The following ZNF471 variants were observed in gnomAD, a reference collection of about 807,000 sequenced individuals.
ZNF471 encodes the protein zinc finger protein 471.
In ZNF471, 7 loss-of-function variants were observed where a neutral mutation model predicts 13.7. The ratio of observed to expected loss-of-function variants is 0.51; its 90% CI spans 0.29 to 0.96. The LOEUF is 0.96. Ranked by LOEUF, ZNF471 falls within the 40% of genes least tolerant of loss-of-function variation. The pLI is 0.08. For missense variants in ZNF471, 663 were observed against 743.3 expected (o/e 0.89, Z 1.26); for synonymous variants, 218 against 235.6 (o/e 0.93, Z 0.68).
intron 4 of ZNF471, among the ~76,000 whole-genome samples, chr19:56,520,286 A>G (rs1440717835): frequency 2.0e-5 from 3 of 152,240 alleles, no homozygotes; most frequent in Admixed American, 6.5e-5. Flanking sequence ...TATTGTATGC[A>G]TAAGATATCT....
chr19:56,526,030 T>G lies in ZNF471; in HGVS notation c.*82T>G, dbSNP rs1045184142. ...GAGATGTCCCACTGGATAAAAAACA[T>G]ATAAATGTAAGAAATGTAGAAAAAC... On this transcript the variant is annotated 3_prime_UTR_variant, in exon 5 of 5. Coordinates refer to ENST00000308031, the MANE Select transcript of ZNF471 (RefSeq NM_020813.4). 1 of 1,389,254 alleles carries G rather than the reference T, an allele frequency of 7.2e-7. No individual in the cohort carries two copies. Among genetic ancestry groups the G allele is most frequent in the East Asian group, 2.4e-5 (1 of 42,532 alleles). The allele number at this position is 1,389,254 out of a possible 1,614,324, so 86.1% of individuals were successfully genotyped here.
intron 3 of ZNF471, among the ~76,000 whole-genome samples, chr19:56,518,149 A>G (rs1041193519): frequency 2.0e-5 from 3 of 152,152 alleles, no homozygotes; most frequent in Non-Finnish European, 2.9e-5. Flanking sequence ...TCCCCTAAAG[A>G]GTATTGATTT....
chr19:56,522,950 G>A lies in ZNF471; in HGVS notation c.257-1374G>A, dbSNP rs763107465. Among the ~76,000 whole-genome samples the A allele has an allele frequency of 1.3e-5, 2 of 152,052 alleles. No individual in the cohort carries two copies. Among genetic ancestry groups the A allele is most frequent in the Non-Finnish European group, 2.9e-5 (2 of 68,000 alleles). On this transcript the variant is annotated intron_variant, in intron 4 of 4. Coordinates refer to ENST00000308031, the MANE Select transcript of ZNF471 (RefSeq NM_020813.4). This position sits in a 1 kb window ranked among gnomAD's most constrained non-coding sequence, Gnocchi z 4.1. Reference sequence around the variant, plus strand: ...AGGGTTACACCACATTGGCCAGGCTGGTCTCTAACTTCTGACCTCAGGTGA... The same window carrying A: ...AGGGTTACACCACATTGGCCAGGCTAGTCTCTAACTTCTGACCTCAGGTGA...
chr19:56,521,968 C>T (rs951276572), intron 4 of ZNF471, among the ~76,000 whole-genome samples: 1 of 152,066 alleles, frequency 6.6e-6, no homozygotes, highest in South Asian at 2.1e-4. Flanking sequence ...AAAATGTCCT[C>T]ATAGCATATT....
intron 1 of ZNF471, among the ~76,000 whole-genome samples, chr19:56,509,096 G>A (rs1363928831): frequency 2.0e-5 from 3 of 152,146 alleles, no homozygotes; most frequent in Non-Finnish European, 4.4e-5. Context: ...TGGTGGGCTG[G>A]CAGCCTGTAG....
Position 56,524,187 on chromosome 19 carries a change from T to G in ZNF471, c.257-137T>G. On this transcript the variant is annotated intron_variant, in intron 4 of 4. Coordinates refer to ENST00000308031, the MANE Select transcript of ZNF471 (RefSeq NM_020813.4). This position sits in a 1 kb window ranked among gnomAD's most constrained non-coding sequence, Gnocchi z 4.8. ...CTGTCTTTCTTGGGGTCTCCCTGAA[T>G]GTTTTCCAGTTGACATGCCTGTACA... 1.6e-6 allele frequency: 1 copy of G among 612,416 alleles called. No individual in the cohort carries two copies. The allele number at this position is 612,416 out of a possible 1,614,324, so 37.9% of individuals were successfully genotyped here.
rs1037949247 is a variant in ZNF471, at chr19:56,527,413, C to T, written c.*1465C>T. 2 of 152,188 alleles carry T rather than the reference C, an allele frequency of 1.3e-5. No individual in the cohort carries two copies. Among genetic ancestry groups the T allele is most frequent in the African/African-American group, 4.8e-5 (2 of 41,446 alleles). The allele number at this position is 152,188 out of a possible 1,614,324, so 9.4% of individuals were successfully genotyped here. A position where few individuals can be genotyped will look rare whatever the true frequency, so the allele number is the denominator to read the frequency against. On this transcript the variant is annotated 3_prime_UTR_variant, in exon 5 of 5. Coordinates refer to ENST00000308031, the MANE Select transcript of ZNF471 (RefSeq NM_020813.4). ...GAAAATTCCAAAAACCAGAATGCCT[C>T]TTCTCCTCCAAAGGATCACAACTCC...
In ZNF471 at chr19:56,522,215, C is replaced by T. The variant is rs1415064541; in HGVS notation, c.257-2109C>T. ...AGCATTTCTCCATCATTAAGTGACA[C>T]AAGACTATTTTGTTATAGCAACCCA... On this transcript the variant is annotated intron_variant, in intron 4 of 4. Transcript: ENST00000308031. This position sits in a 1 kb window ranked among gnomAD's most constrained non-coding sequence, Gnocchi z 4.1. Among the ~76,000 whole-genome samples the T allele has an allele frequency of 6.6e-6, 1 of 152,144 alleles. No homozygotes were observed. Among genetic ancestry groups the T allele is most frequent in the Non-Finnish European group, 1.5e-5 (1 of 68,028 alleles).
At chr19:56,511,143 C>G (rs1434855622) in intron 1 of ZNF471, among the ~76,000 whole-genome samples, 1 of 149,756 alleles carries the variant, frequency 6.7e-6, no homozygotes, top group Non-Finnish European at 1.5e-5. Flanking sequence ...CAGAAAGGAG[C>G]CAGATTTTCA....
Position 56,516,206 on chromosome 19 carries a change from C to A in ZNF471, c.34-69C>A. Reference sequence around the variant, plus strand: ...TTATTTCTCACCTAAAGTAGAGACACTTTGGATCAACTCAGAGTTATCTTT... The same window carrying A: ...TTATTTCTCACCTAAAGTAGAGACAATTTGGATCAACTCAGAGTTATCTTT... On this transcript the variant is annotated intron_variant, in intron 2 of 4. Transcript: ENST00000308031. The surrounding 1 kb of genome is among the most constrained non-coding windows in gnomAD (Gnocchi z 4.4). 1 of 1,527,586 alleles carries A rather than the reference C, an allele frequency of 6.5e-7. No individual in the cohort carries two copies. Among genetic ancestry groups the A allele is most frequent in the Admixed American group, 1.8e-5 (1 of 56,430 alleles). 94.6% of individuals were successfully genotyped at this position (1,527,586 alleles called of 1,614,324 possible).
chr19:56,518,546 G>A lies in ZNF471; in HGVS notation c.225G>A (p.Met75Ile). Residue 75 changes from methionine to isoleucine, a missense_variant, in exon 4 of 5, where the codon ATG (methionine) becomes ATA (isoleucine). Physicochemically the swap from Met to Ile is conservative, Grantham distance 10. Coordinates refer to ENST00000308031, the MANE Select transcript of ZNF471 (RefSeq NM_020813.4). ...AGCAAGGGAGAGAGCCTTGGGAGAT[G>A]ACGAGTGAGATGACAAGAAGCCCAT... Reference protein sequence around the residue: ...LLEQGREPWEMTSEMTRSPFS... With the variant: ...LLEQGREPWEITSEMTRSPFS... 6.2e-7 allele frequency: 1 copy of A among 1,613,396 alleles called. No individual in the cohort carries two copies. Among genetic ancestry groups the A allele is most frequent in the Non-Finnish European group, 8.5e-7 (1 of 1,179,728 alleles).
At position 56,510,917 on chromosome 19, in the gene ZNF471, G is replaced by A. The variant is rs2043800776; in HGVS notation, c.-55-600G>A. 2.0e-6 allele frequency: 2 copies of A among 985,530 alleles called. No individual in the cohort carries two copies. The highest frequency in any genetic ancestry group is 6.1e-5 in the Admixed American group (1 of 16,272). 61.0% of individuals were successfully genotyped at this position (985,530 alleles called of 1,614,324 possible). A position where few individuals can be genotyped will look rare whatever the true frequency, so the allele number is the denominator to read the frequency against. ...GACAGGAGGGTAATTAAGGGGCTGG[G>A]ACAGAGGTGAGAGTGAAAGTGGCAG... is the stretch of plus-strand genomic sequence containing the variant. On this transcript the variant is annotated intron_variant, in intron 1 of 4. Coordinates refer to ENST00000308031, the MANE Select transcript of ZNF471 (RefSeq NM_020813.4). This position sits in a 1 kb window ranked among gnomAD's most constrained non-coding sequence, Gnocchi z 4.3.
rs552417982 is a variant in ZNF471, at chr19:56,529,812, G to A, written c.*3864G>A. On this transcript the variant is annotated 3_prime_UTR_variant, in exon 5 of 5. Transcript: ENST00000308031. ...TTGGATAATATCCAGTATTGTCGCA[G>A]GTGTGAGAAACCGTATTTTCAAATA... 3.9e-5 allele frequency: 6 copies of A among 152,302 alleles called. No individual in the cohort carries two copies. The highest frequency in any genetic ancestry group is 1.2e-4 in the African/African-American group (5 of 41,562). The allele number at this position is 152,302 out of a possible 1,614,324, so 9.4% of individuals were successfully genotyped here. A position where few individuals can be genotyped will look rare whatever the true frequency, so the allele number is the denominator to read the frequency against.
rs1207084938 is a variant in ZNF471 at position 56,528,623 on chromosome 19, C to T, written c.*2675C>T. On this transcript the variant is annotated 3_prime_UTR_variant, in exon 5 of 5. Transcript: ENST00000308031. ...ATATTATAATAAGACATCACAGCGG[C>T]TGTCTCATGATTAAGGCTGTGTTCC... 1 of 152,144 alleles carries T rather than the reference C, an allele frequency of 6.6e-6. No individual in the cohort carries two copies. Among genetic ancestry groups the T allele is most frequent in the Non-Finnish European group, 1.5e-5 (1 of 68,028 alleles). The allele number at this position is 152,144 out of a possible 1,614,324, so 9.4% of individuals were successfully genotyped here. A position where few individuals can be genotyped will look rare whatever the true frequency, so the allele number is the denominator to read the frequency against.
intron 4 of ZNF471, among the ~76,000 whole-genome samples, chr19:56,521,582 TGA>T (rs1380848504): frequency 2.2e-5 from 3 of 137,882 alleles, no homozygotes. Flanking sequence ...GAACTTGCAG[TGA>T]GCCGAGATTG....
Position 56,510,584 on chromosome 19 carries a change from G to C in ZNF471, c.-55-933G>C, listed in dbSNP as rs552547529. 1.0e-6 allele frequency: 1 copy of C among 985,702 alleles called. No homozygotes were observed. Among genetic ancestry groups the C allele is most frequent in the Non-Finnish European group, 1.2e-6 (1 of 830,008 alleles). 61.1% of individuals were successfully genotyped at this position (985,702 alleles called of 1,614,324 possible). A position where few individuals can be genotyped will look rare whatever the true frequency, so the allele number is the denominator to read the frequency against. On this transcript the variant is annotated intron_variant, in intron 1 of 4. Transcript: ENST00000308031. The surrounding 1 kb of genome is among the most constrained non-coding windows in gnomAD (Gnocchi z 4.3). ...GTCCTCAGGCAATGGAAATGTGACT[G>C]TGTATATGTGCTTGTTTTGGGGTGC...
chr19:56,509,494 A>G (rs1405463999), intron 1 of ZNF471, among the ~76,000 whole-genome samples: 1 of 152,228 alleles, frequency 6.6e-6, no homozygotes, highest in Non-Finnish European at 1.5e-5. Context: ...CCCGATTTAT[A>G]GCTAGTCAGA....
At position 56,508,293 on chromosome 19, in the gene ZNF471, G is replaced by A. The variant is rs1230911368; in HGVS notation, c.-56+373G>A. 4.9e-5 allele frequency: 33 copies of A among 668,820 alleles called. No homozygotes were observed. Among genetic ancestry groups the A allele is most frequent in the Non-Finnish European group, 5.2e-5 (28 of 540,928 alleles). 41.4% of individuals were successfully genotyped at this position (668,820 alleles called of 1,614,324 possible). A position where few individuals can be genotyped will look rare whatever the true frequency, so the allele number is the denominator to read the frequency against. On this transcript the variant is annotated intron_variant, in intron 1 of 4. Transcript: ENST00000308031. This position sits in a 1 kb window ranked among gnomAD's most constrained non-coding sequence, Gnocchi z 4.7. The stretch of plus-strand genomic sequence containing the variant: ...CAGTGTGAGACCAGGGTATGTTCGT[G>A]TGTGACAGAGCGAGACGGGCCAGTG...
Position 56,528,829 on chromosome 19 carries a change from A to G in ZNF471, c.*2881A>G, listed in dbSNP as rs1029182202. ...TAACTGAAGAAAGAGAAATTGAATAATATAGTTCTATTTCAACATGTGGGT... is the reference window on the plus strand; with the variant it reads ...TAACTGAAGAAAGAGAAATTGAATAGTATAGTTCTATTTCAACATGTGGGT... On this transcript the variant is annotated 3_prime_UTR_variant, in exon 5 of 5. Transcript: ENST00000308031. 6.6e-6 allele frequency: 1 copy of G among 152,200 alleles called. No individual in the cohort carries two copies. The highest frequency in any genetic ancestry group is 2.4e-5 in the African/African-American group (1 of 41,448). The allele number at this position is 152,200 out of a possible 1,614,324, so 9.4% of individuals were successfully genotyped here.
Sources: gnomAD v4.1 joint callset for allele counts (sites outside exome capture counted in the v4.1 genomes callset) on GRCh38, gnomAD v4.1.1 for gene constraint, Gnocchi (gnomAD v3.1) non-coding constraint, MANE v1.5 for transcripts, NCBI Gene and HGNC (gene_info 2026-07-23, HGNC 2026-07-21) for gene names.